The following FECH variants were observed in gnomAD, a reference collection of about 807,000 sequenced individuals.
The protein encoded by FECH is ferrochelatase, mitochondrial.
Under a neutral mutation model 56.9 loss-of-function variants are expected in FECH, and 40 were observed. The observed-to-expected ratio is 0.70, with a 90% CI of 0.55 to 0.92. The LOEUF (loss-of-function observed/expected upper bound fraction) is 0.92. Ranked by LOEUF, FECH falls within the 40% of genes least tolerant of loss-of-function variation. The pLI, the probability that FECH is intolerant of heterozygous loss-of-function variation, is 0.00. For synonymous variants in FECH, 175 were observed against 198.6 expected, an observed-to-expected ratio of 0.88 and a Z score of 1.00; for missense variants, 431 against 529.1, an observed-to-expected ratio of 0.81 and a Z score of 1.82.
At chr18:57,561,989 T>C (rs915462588) in intron 6 of FECH, among the ~76,000 whole-genome samples, 22 of 152,224 alleles carry the variant, frequency 1.4e-4, no homozygotes, top group African/African-American at 3.1e-4. Context: ...AACACTGCTC[T>C]GGGGAGAGCT....
Position 57,554,234 on chromosome 18 carries a change from GGAAAAA to G in FECH, c.1077+20_1077+25del, listed in dbSNP as rs767580974. The stretch of plus-strand genomic sequence containing the variant: ...TTTCCTTTTAAAACAAGTCATGATG[GGAAAAA>G]GGCAGATGGGTGCATTTACCTCCTT... On this transcript the variant is annotated intron_variant, in intron 9 of 10. Coordinates refer to ENST00000262093, the MANE Select transcript of FECH (RefSeq NM_000140.5). The G allele has an allele frequency of 3.7e-6, 6 of 1,613,738 alleles. No individual in the cohort carries two copies. The highest frequency in any genetic ancestry group is 5.1e-6 in the Non-Finnish European group (6 of 1,179,782).
intron 1 of FECH, among the ~76,000 whole-genome samples, chr18:57,580,754 G>T (rs975121520): frequency 6.6e-6 from 1 of 151,992 alleles, no homozygotes; most frequent in African/African-American, 2.4e-5. Flanking sequence ...CCACCCCACG[G>T]GGTATGCAGT....
intron 10 of FECH, 68 bp from the exon 11 acceptor site, chr18:57,550,914 C>T: frequency 6.2e-7 from 1 of 1,604,024 alleles, no homozygotes; most frequent in Non-Finnish European, 8.5e-7. Context: ...ATGCCCCCTC[C>T]TCCAGCTGCC....
intron 1 of FECH, among the ~76,000 whole-genome samples, chr18:57,584,704 A>G (rs1040477694): frequency 6.6e-6 from 1 of 151,868 alleles, no homozygotes; most frequent in Non-Finnish European, 1.5e-5. Flanking sequence ...TATAACTATT[A>G]ATAAACATAG....
chr18:57,580,095 G>A lies in FECH; in HGVS notation c.172C>T (p.Pro58Ser). The A allele has an allele frequency of 5.0e-6, 8 of 1,614,060 alleles. No homozygotes were observed. The highest frequency in any genetic ancestry group is 6.8e-6 in the Non-Finnish European group (8 of 1,180,030). Reference sequence around the variant, plus strand: ...TACCTCTTCTGCGGTTGAACTTGAGGTTTTGCACCCTGGGCATGCTGGGCT... The same window carrying A: ...TACCTCTTCTGCGGTTGAACTTGAGATTTTGCACCCTGGGCATGCTGGGCT... ...ETAQHAQGAK[P>S]QVQPQKRKPK... The change falls in exon 2 of 11, where the codon CCT (proline) becomes TCT (serine). Residue 58 changes from proline to serine, a missense_variant. Physicochemically the swap from Pro to Ser is moderately conservative, Grantham distance 74. Transcript: ENST00000262093.
At chr18:57,579,291 G>GTA (rs2051238131) in intron 2 of FECH, among the ~76,000 whole-genome samples, 2 of 105,030 alleles carry the variant, frequency 1.9e-5, no homozygotes, top group African/African-American at 7.4e-5. Flanking sequence ...GTGTATATAT[G>GTA]TGTGTGTGTG....
chr18:57,568,102 C>T (rs1035372867), intron 4 of FECH, among the ~76,000 whole-genome samples: 5 of 152,212 alleles, frequency 3.3e-5, no homozygotes, highest in Non-Finnish European at 7.3e-5. Context: ...TGAAGCAACT[C>T]TTGGTGATTT....
intron 7 of FECH, 131 bp from the exon 8 acceptor site, chr18:57,555,083 ATG>A: frequency 1.3e-6 from 1 of 740,904 alleles, no homozygotes; most frequent in Non-Finnish European, 2.4e-6. Flanking sequence ...CAATGATGAT[ATG>A]GTCTGAGTTC....
In FECH at chr18:57,547,725, T is replaced by C. The variant is rs947506346; in HGVS notation, c.*2987A>G. On this transcript the variant is annotated 3_prime_UTR_variant, in exon 11 of 11. Coordinates refer to ENST00000262093, the MANE Select transcript of FECH (RefSeq NM_000140.5). Reference sequence around the variant, plus strand: ...ACACCTCACTGCAACCTCAAACTGCTGGGCTCAAGCAATCCTACCACCTCA... The same window carrying C: ...ACACCTCACTGCAACCTCAAACTGCCGGGCTCAAGCAATCCTACCACCTCA... Among the ~76,000 whole-genome samples, 2 of 152,130 alleles carry C rather than the reference T, an allele frequency of 1.3e-5. No homozygotes were observed. The highest frequency in any genetic ancestry group is 4.8e-5 in the African/African-American group (2 of 41,446).
rs146200016 is a variant in FECH, at chr18:57,544,839, A to G, written c.*5873T>C. ...AAAAAGGGCGAAATAATTAGAAAGT[A>G]ATGAATTTAGAATGTTACCTTTGTT... On this transcript the variant is annotated 3_prime_UTR_variant, in exon 11 of 11. Coordinates refer to ENST00000262093, the MANE Select transcript of FECH (RefSeq NM_000140.5). 1.4e-3 allele frequency among the ~76,000 whole-genome samples: 214 copies of G among 152,362 alleles called. 3 individuals are homozygous for G. The highest frequency in any genetic ancestry group is 4.7e-4 in the Non-Finnish European group (32 of 68,042).
rs779263468 is a variant in FECH, at chr18:57,559,187, G to A, written c.762C>T (p.Ser254=). ...ELDHFPLEKR[S]EVVILFSAHS... is the part of the protein sequence containing the mutation. ...GAGCAGAAAACAGAATGACCACCTC[G>A]CTTCTCTTCTCAAGTGGAAAATGGT... is the stretch of plus-strand genomic sequence containing the variant. Residue 254 remains serine, a synonymous_variant, in exon 7 of 11, where the codon AGC becomes AGT. Transcript: ENST00000262093. 10 of 1,613,660 alleles carry A rather than the reference G, an allele frequency of 6.2e-6. No homozygotes were observed. In the Admixed American group the frequency reaches 6.7e-5, roughly 11 times the overall value.
chr18:57,557,812 A>G (rs140708482), intron 7 of FECH, among the ~76,000 whole-genome samples: 7 of 152,286 alleles, frequency 4.6e-5, no homozygotes, highest in Non-Finnish European at 8.8e-5. Flanking sequence ...AAAGCAAAGC[A>G]AATGTGTTTG....
chr18:57,565,525 G>A (rs72940355), intron 5 of FECH, among the ~76,000 whole-genome samples: 27,879 of 150,906 alleles, frequency 0.18, 2,758 homozygotes, highest in South Asian at 0.27. Context: ...AGAATCACTT[G>A]AACCCGGGAG....
rs148141502 is a variant in FECH at position 57,547,021 on chromosome 18, G to A, written c.*3691C>T. ...GGGTTTCAGACTTGCACAGTGGAGT[G>A]CAGTGGTGCATGGGGCCTGTAGCCC... On this transcript the variant is annotated 3_prime_UTR_variant, in exon 11 of 11. Transcript: ENST00000262093. Among the ~76,000 whole-genome samples the A allele has an allele frequency of 1.3e-4, 20 of 152,044 alleles. No homozygotes were observed. In the East Asian group the frequency reaches 3.9e-3, roughly 29 times the overall value.
In FECH at chr18:57,571,627, G is replaced by T. The variant is rs143328096; in HGVS notation, c.315-87C>A. 9 of 1,603,868 alleles carry T rather than the reference G, an allele frequency of 5.6e-6. No individual in the cohort carries two copies. The African/African-American group carries it at 1.2e-4, about 22-fold the overall frequency. ...TTCTACTCAATAAAAAAGAAAAAAAGCAAAATTTTAGAGAGCCTAACAAGA... is the reference window on the plus strand; with the variant it reads ...TTCTACTCAATAAAAAAGAAAAAAATCAAAATTTTAGAGAGCCTAACAAGA... On this transcript the variant is annotated intron_variant, in intron 3 of 10. Transcript: ENST00000262093.
intron 7 of FECH, among the ~76,000 whole-genome samples, chr18:57,558,234 C>T (rs1443374627): frequency 6.6e-6 from 1 of 152,240 alleles, no homozygotes; most frequent in African/African-American, 2.4e-5. Context: ...GCAGATGAAA[C>T]TGGTTGCTTA....
intron 6 of FECH, 118 bp downstream of exon 6, chr18:57,562,756 A>T: frequency 1.3e-6 from 1 of 755,782 alleles, no homozygotes; most frequent in South Asian, 1.4e-5. Flanking sequence ...AATCCCAAAC[A>T]CACAATTTAA....
chr18:57,551,267 A>T (rs369940306), intron 10 of FECH, 48 bp downstream of exon 10: 6 of 1,329,770 alleles, frequency 4.5e-6, no homozygotes, highest in African/African-American at 1.4e-5. Flanking sequence ...TTCTCAGAGG[A>T]TTACTCTCTG....
intron 4 of FECH, among the ~76,000 whole-genome samples, chr18:57,570,872 G>A (rs759690397): frequency 6.6e-6 from 1 of 152,162 alleles, no homozygotes; most frequent in Non-Finnish European, 1.5e-5. Context: ...TTGGTGCCAC[G>A]TCCAACAAGG....
Sources: allele counts gnomAD v4.1 joint callset (sites outside exome capture counted in the v4.1 genomes callset), GRCh38; gene constraint gnomAD v4.1.1; transcripts MANE v1.5; gene names NCBI Gene and HGNC (gene_info 2026-07-23, HGNC 2026-07-21).